MYO6: variants seen among roughly 807,000 people sequenced by gnomAD.
MYO6 encodes unconventional myosin-VI.
A neutral mutation model predicts 178.7 loss-of-function variants in MYO6; 74 were observed. The ratio of observed to expected loss-of-function variants is 0.41; its 90% CI spans 0.34 to 0.50. The LOEUF is 0.50. Ranked by LOEUF, MYO6 falls within the 20% of genes least tolerant of loss-of-function variation. The pLI, the probability that MYO6 is intolerant of heterozygous loss-of-function variation, is 0.09. For missense variants in MYO6, 1,330 were observed against 1,547.4 expected (o/e 0.86, Z 2.36); for synonymous variants, 477 against 504.6 (o/e 0.95, Z 0.73).
At chr6:75,866,239 T>C (rs1186513941) in intron 16 of MYO6, among the ~76,000 whole-genome samples, 3 of 151,352 alleles carry the variant, frequency 2.0e-5, no homozygotes, top group African/African-American at 7.3e-5. Context: ...TTGTGTTTTT[T>C]TTTGGGTCTC....
intron 2 of MYO6, among the ~76,000 whole-genome samples, chr6:75,820,682 C>A (rs1771778373): frequency 6.6e-6 from 1 of 152,072 alleles, no homozygotes; most frequent in Non-Finnish European, 1.5e-5. Flanking sequence ...ATCTCCATAT[C>A]CTTTTGCTTA....
At position 75,915,111 on chromosome 6, in the gene MYO6, C is replaced by A; in HGVS notation, c.*99C>A. ...CCATTCCATAATCATGTTAGAGTTA[C>A]TTCTATAAAGTGAACAGATTTTATT... On this transcript the variant is annotated 3_prime_UTR_variant, in exon 35 of 35. Coordinates refer to ENST00000369977, the MANE Select transcript of MYO6 (RefSeq NM_004999.4). 8.6e-7 allele frequency: 1 copy of A among 1,159,094 alleles called. No individual in the cohort carries two copies. The highest frequency in any genetic ancestry group is 1.3e-6 in the Non-Finnish European group (1 of 798,148). 71.8% of individuals were successfully genotyped at this position (1,159,094 alleles called of 1,614,324 possible).
intron 11 of MYO6, among the ~76,000 whole-genome samples, chr6:75,849,344 A>C (rs1207138729): frequency 6.6e-6 from 1 of 152,192 alleles, no homozygotes; most frequent in African/African-American, 2.4e-5. Flanking sequence ...TTAAGACATT[A>C]TTGTACGATC....
intron 1 of MYO6, among the ~76,000 whole-genome samples, chr6:75,750,559 G>T (rs1361394148): frequency 9.3e-5 from 14 of 149,844 alleles, no homozygotes; most frequent in African/African-American, 3.5e-4. Context: ...ATGCTCTGGT[G>T]GTATAGATGC....
chr6:75,912,379 T>G (rs554100026), intron 33 of MYO6, among the ~76,000 whole-genome samples: 50 of 152,054 alleles, frequency 3.3e-4, no homozygotes, highest in Non-Finnish European at 5.6e-4. Context: ...ATTTGAAGAT[T>G]ACACAATTGA....
intron 1 of MYO6, among the ~76,000 whole-genome samples, chr6:75,802,338 G>A (rs971626428): frequency 2.0e-5 from 3 of 151,356 alleles, no homozygotes; most frequent in Admixed American, 6.6e-5. Flanking sequence ...GCGTGGTAGC[G>A]CGTGCCTGTA....
rs532115153 is a variant in MYO6, at chr6:75,792,929, A to G, written c.-47-24572A>G. On this transcript the variant is annotated intron_variant, in intron 1 of 34. Coordinates refer to ENST00000369977, the MANE Select transcript of MYO6 (RefSeq NM_004999.4). ...CTCTCAAATGGTTGGGATTACAGGTATACACCACCATACCCAGCTAAATTT... is the reference window on the plus strand; with the variant it reads ...CTCTCAAATGGTTGGGATTACAGGTGTACACCACCATACCCAGCTAAATTT... Among the ~76,000 whole-genome samples, 4 of 151,974 alleles carry G rather than the reference A, an allele frequency of 2.6e-5. No homozygotes were observed. In the South Asian group the frequency reaches 8.3e-4, roughly 32 times the overall value.
chr6:75,758,158 A>G (rs750787346), intron 1 of MYO6, among the ~76,000 whole-genome samples: 3 of 150,878 alleles, frequency 2.0e-5, no homozygotes, highest in Non-Finnish European at 4.4e-5. Flanking sequence ...TTGTATTTTT[A>G]GTAGACACGG....
intron 1 of MYO6, among the ~76,000 whole-genome samples, chr6:75,788,392 C>T (rs6905047): frequency 0.25 from 38,222 of 152,026 alleles, 6,855 homozygotes; most frequent in African/African-American, 0.51. Flanking sequence ...TCCAGAACCA[C>T]GTTCTAGCAT....
At chr6:75,798,321 T>C (rs1769069294) in intron 1 of MYO6, among the ~76,000 whole-genome samples, 1 of 152,242 alleles carries the variant, frequency 6.6e-6, no homozygotes, top group Admixed American at 6.5e-5. Flanking sequence ...CTCTGTTCTC[T>C]ATTCTGTCCC....
chr6:75,758,865 T>C (rs909190785), intron 1 of MYO6, among the ~76,000 whole-genome samples: 1 of 151,914 alleles, frequency 6.6e-6, no homozygotes, highest in African/African-American at 2.4e-5. Flanking sequence ...AATACATGTT[T>C]GTATAGATCT....
intron 3 of MYO6, among the ~76,000 whole-genome samples, chr6:75,824,415 T>A (rs1772224841): frequency 6.6e-6 from 1 of 152,150 alleles, no homozygotes; most frequent in African/African-American, 2.4e-5. Context: ...TTGTTGAGTT[T>A]AGAATGTAGG....
At position 75,814,192 on chromosome 6, in the gene MYO6, T is replaced by G. The variant is rs146371830; in HGVS notation, c.-47-3309T>G. Among the ~76,000 whole-genome samples the G allele has an allele frequency of 2.4e-4, 37 of 152,226 alleles. No homozygotes were observed. The South Asian group carries it at 4.4e-3, about 18-fold the overall frequency. On this transcript the variant is annotated intron_variant, in intron 1 of 34. Coordinates refer to ENST00000369977, the MANE Select transcript of MYO6 (RefSeq NM_004999.4). Reference sequence around the variant, plus strand: ...TGAACTATTTGCCTCTGGCTAGGGCTTCTGTAAATGCTCTGTTTGTGATCT... The same window carrying G: ...TGAACTATTTGCCTCTGGCTAGGGCGTCTGTAAATGCTCTGTTTGTGATCT...
intron 2 of MYO6, among the ~76,000 whole-genome samples, chr6:75,820,513 G>T (rs962321163): frequency 1.6e-4 from 25 of 152,098 alleles, no homozygotes; most frequent in African/African-American, 5.1e-4. Flanking sequence ...GGGATTACAG[G>T]TGCCCACCAC....
Position 75,856,374 on chromosome 6 carries a change from A to G in MYO6, c.1224-723A>G, listed in dbSNP as rs185193102. 3.3e-5 allele frequency among the ~76,000 whole-genome samples: 5 copies of G among 152,264 alleles called. No individual in the cohort carries two copies. The East Asian group carries it at 9.7e-4, about 29-fold the overall frequency. ...GCGTGTCCACATGAAACTTCAAGAA[A>G]GGGTTCCATTGCAGAAAATATAAGT... On this transcript the variant is annotated intron_variant, in intron 12 of 34. Coordinates refer to ENST00000369977, the MANE Select transcript of MYO6 (RefSeq NM_004999.4).
At chr6:75,800,901 A>C (rs1238560839) in intron 1 of MYO6, among the ~76,000 whole-genome samples, 2 of 152,116 alleles carry the variant, frequency 1.3e-5, no homozygotes, top group Non-Finnish European at 2.9e-5. Flanking sequence ...TTGTATTTTT[A>C]GTAGAGATGG....
chr6:75,768,946 T>A (rs1302979940), intron 1 of MYO6, among the ~76,000 whole-genome samples: 1 of 152,070 alleles, frequency 6.6e-6, no homozygotes, highest in African/African-American at 2.4e-5. Flanking sequence ...AAGCTTACTG[T>A]CATAGTGAAA....
At chr6:75,848,556 GA>G (rs745411543) in intron 11 of MYO6, 25 bp downstream of exon 11, 12 of 1,599,288 alleles carry the variant, frequency 7.5e-6, no homozygotes, top group East Asian at 4.5e-5. Flanking sequence ...TTTTTAAGAG[GA>G]AAAAAATTAA....
At chr6:75,795,259 C>T (rs1485553745) in intron 1 of MYO6, among the ~76,000 whole-genome samples, 1 of 151,976 alleles carries the variant, frequency 6.6e-6, no homozygotes, top group African/African-American at 2.4e-5. Context: ...CCTGCAGCAC[C>T]GTAGAGGAGA....
Sources: gnomAD v4.1 joint callset for allele counts (sites outside exome capture counted in the v4.1 genomes callset) on GRCh38, gnomAD v4.1.1 for gene constraint, MANE v1.5 for transcripts, NCBI Gene and HGNC (gene_info 2026-07-23, HGNC 2026-07-21) for gene names.